ACSM2B: variants seen among roughly 807,000 people sequenced by gnomAD.
The protein encoded by ACSM2B is acyl-coenzyme A synthetase ACSM2B, mitochondrial.
In ACSM2B, 58 loss-of-function variants were observed where a neutral mutation model predicts 78.6. That is an observed-to-expected ratio of 0.74 (90% confidence interval 0.60 to 0.92). The LOEUF is 0.92. ACSM2B is among the 40% of genes least tolerant of loss of function. ACSM2B has a pLI of 0.00. For synonymous variants in ACSM2B, 257 were observed against 256.8 expected (o/e 1.00, Z -0.01); for missense variants, 688 against 711.2 (o/e 0.97, Z 0.37).
intron 2 of ACSM2B, 21 bp from the exon 3 acceptor site, chr16:20,559,468 T>C: frequency 6.2e-7 from 1 of 1,612,242 alleles, no homozygotes; most frequent in Non-Finnish European, 8.5e-7. Flanking sequence ...AGAAACCCTG[T>C]TGATTAGGGG....
In ACSM2B at chr16:20,545,238, G is replaced by A. The variant is rs773511036; in HGVS notation, c.1200C>T (p.Asn400=). 7.4e-6 allele frequency: 12 copies of A among 1,613,614 alleles called. No individual in the cohort carries two copies. The highest frequency in any genetic ancestry group is 2.7e-5 in the African/African-American group (2 of 74,928). ...YDVQVIDDKG[N]VLPPGTEGDI... ...CTCCTTCTGTGCCGGGGGGCAGGAC[G>A]TTGCCCTTATCATCTATAACCTGGA... Residue 400 remains asparagine (N), a synonymous_variant, in exon 10 of 14, where the codon AAC becomes AAT. Coordinates refer to ENST00000329697, the MANE Select transcript of ACSM2B (RefSeq NM_001105069.2).
intron 1 of ACSM2B, among the ~76,000 whole-genome samples, chr16:20,572,775 T>C (rs535347683): frequency 2.6e-5 from 4 of 151,654 alleles, no homozygotes; most frequent in South Asian, 4.1e-4. Context: ...CATTGAAAAA[T>C]TTTTTTTTCT....
intron 8 of ACSM2B, 196 bp from the exon 9 acceptor site, chr16:20,546,670 T>TAG (rs1389300697): frequency 9.7e-7 from 1 of 1,029,252 alleles, no homozygotes; most frequent in Non-Finnish European, 1.3e-6. Context: ...AAATTGTTTG[T>TAG]TCAGGAAGCA....
rs568550888 is a variant in ACSM2B at position 20,543,752 on chromosome 16, A to G, written c.1282-490T>C. Among the ~76,000 whole-genome samples, 3 of 152,224 alleles carry G rather than the reference A, an allele frequency of 2.0e-5. No homozygotes were observed. In the South Asian group the frequency reaches 6.3e-4, roughly 32 times the overall value. On this transcript the variant is annotated intron_variant, in intron 10 of 13. Transcript: ENST00000329697. Reference sequence around the variant, plus strand: ...CTGGGTCCCTCTATTCAGCTGAGGCACTTGCTTATAAGTAATGAAAAGGCT... The same window carrying G: ...CTGGGTCCCTCTATTCAGCTGAGGCGCTTGCTTATAAGTAATGAAAAGGCT...
rs142970802 is a variant in ACSM2B at position 20,551,166 on chromosome 16, C to T, written c.894+978G>A. 7.1e-3 allele frequency among the ~76,000 whole-genome samples: 1,079 copies of T among 152,136 alleles called. 15 individuals are homozygous for T. The highest frequency in any genetic ancestry group is 0.036 in the South Asian group (172 of 4,810). ...TTAATCTATGGTGATAGATATCAAA[C>T]GAAGGATTAACTTATGGGGGGCAGA... On this transcript the variant is annotated intron_variant, in intron 6 of 13. Transcript: ENST00000329697.
chr16:20,547,269 G>A (rs2015170153), intron 8 of ACSM2B: 1 of 985,368 alleles, frequency 1.0e-6, no homozygotes, highest in Non-Finnish European at 1.2e-6. Context: ...ATGGTGGGAG[G>A]CCCCTGCCAG....
rs975631349 is a variant in ACSM2B, at chr16:20,544,852, G to A, written c.1281+305C>T. On this transcript the variant is annotated intron_variant, in intron 10 of 13. Transcript: ENST00000329697. ...GGGAGAGGGAAAGGCAGCCCTTGGGGGAATGGTGCTGTGTATAGTTCAGGG... is the reference window on the plus strand; with the variant it reads ...GGGAGAGGGAAAGGCAGCCCTTGGGAGAATGGTGCTGTGTATAGTTCAGGG... 9 of 1,037,088 alleles carry A rather than the reference G, an allele frequency of 8.7e-6. No homozygotes were observed. In the African/African-American group the frequency reaches 1.5e-4, roughly 17 times the overall value. 64.2% of individuals were successfully genotyped at this position (1,037,088 alleles called of 1,614,324 possible).
At chr16:20,565,831 C>A (rs1273978548) in intron 1 of ACSM2B, among the ~76,000 whole-genome samples, 2 of 151,894 alleles carry the variant, frequency 1.3e-5, no homozygotes, top group Admixed American at 1.3e-4. Context: ...GTCATTTCCC[C>A]CAACTCCTCA....
intron 6 of ACSM2B, chr16:20,549,935 T>C: frequency 2.9e-6 from 1 of 348,464 alleles, no homozygotes; most frequent in South Asian, 2.2e-5. Context: ...GAGACCCAAG[T>C]TCTTATTTGC....
At chr16:20,539,863 T>A (rs992100247) in intron 13 of ACSM2B, among the ~76,000 whole-genome samples, 1 of 152,052 alleles carries the variant, frequency 6.6e-6, no homozygotes, top group African/African-American at 2.4e-5. Context: ...ATCAAGCCAC[T>A]ACAAAGGAAA....
chr16:20,545,591 A>C (rs1205210449), intron 9 of ACSM2B, among the ~76,000 whole-genome samples: 2 of 152,098 alleles, frequency 1.3e-5, no homozygotes, highest in African/African-American at 2.4e-5. Context: ...TCAAAACTCA[A>C]ATTTACTCTG....
Position 20,552,270 on chromosome 16 carries a change from T to C in ACSM2B, c.768A>G (p.Ile256Met). The C allele has an allele frequency of 6.2e-7, 1 of 1,613,352 alleles. No homozygotes were observed. Among genetic ancestry groups the C allele is most frequent in the Non-Finnish European group, 8.5e-7 (1 of 1,179,660 alleles). The change falls in exon 6 of 14, where the codon ATA (isoleucine) becomes ATG (methionine). Residue 256 changes from isoleucine to methionine, a missense_variant. Ile to Met is a conservative substitution (Grantham distance 10). Coordinates refer to ENST00000329697, the MANE Select transcript of ACSM2B (RefSeq NM_001105069.2). Reference sequence around the variant, plus strand: ...AACCTGTGTCTGATATGGTCCACATTATATCAGAGGCTTGCAGGCCTGTCC... The same window carrying C: ...AACCTGTGTCTGATATGGTCCACATCATATCAGAGGCTTGCAGGCCTGTCC... ...AGWTGLQASD[I>M]MWTISDTGWI...
intron 6 of ACSM2B, among the ~76,000 whole-genome samples, chr16:20,550,690 T>A (rs1198734714): frequency 6.6e-6 from 1 of 152,152 alleles, no homozygotes; most frequent in African/African-American, 2.4e-5. Context: ...CAAATAGATG[T>A]CTGGATGGGC....
At chr16:20,544,853 G>A in intron 10 of ACSM2B, 3 of 1,038,598 alleles carry the variant, frequency 2.9e-6, no homozygotes, top group East Asian at 7.6e-5. Context: ...GCCCTTGGGG[G>A]AATGGTGCTG....
intron 5 of ACSM2B, among the ~76,000 whole-genome samples, 174 bp from the exon 6 acceptor site, chr16:20,552,471 T>C (rs2015345125): frequency 1.3e-5 from 2 of 152,050 alleles, no homozygotes; most frequent in Admixed American, 1.3e-4. Context: ...GAAAAGTTGT[T>C]CTGTCCACAC....
intron 1 of ACSM2B, among the ~76,000 whole-genome samples, chr16:20,566,725 C>CTATATATACTATATATACTATATATACAG (rs1567218549): frequency 3.2e-4 from 7 of 22,208 alleles, no homozygotes; most frequent in Non-Finnish European, 4.8e-4. Context: ...ATAGTATATA[C>CTATATATACTATATATACTATATATACAG]TATATATAGT....
chr16:20,545,204 T>C lies in ACSM2B; in HGVS notation c.1234A>G (p.Ile412Val), dbSNP rs752489107. 2.5e-6 allele frequency: 4 copies of C among 1,613,946 alleles called. No homozygotes were observed. In the East Asian group the frequency reaches 6.7e-5, roughly 27 times the overall value. The change falls in exon 10 of 14, where the codon ATC becomes GTC. Residue 412 changes from isoleucine (I) to valine (V), a missense_variant. By Grantham distance (29) the Ile-to-Val change is conservative. Coordinates refer to ENST00000329697, the MANE Select transcript of ACSM2B (RefSeq NM_001105069.2). ...LPPGTEGDIG[I>V]RVKPIRPIGI... ...ATAGGCCTGATGGGTTTGACCCTGATGCCAATGTCTCCTTCTGTGCCGGGG... is the reference window on the plus strand; with the variant it reads ...ATAGGCCTGATGGGTTTGACCCTGACGCCAATGTCTCCTTCTGTGCCGGGG...
intron 2 of ACSM2B, among the ~76,000 whole-genome samples, chr16:20,562,244 A>G (rs1233152534): frequency 6.6e-6 from 1 of 152,114 alleles, no homozygotes; most frequent in Admixed American, 6.6e-5. Flanking sequence ...ATCATGATGC[A>G]CAAGGGTTCT....
At chr16:20,570,813 TC>T (rs2016071104) in intron 1 of ACSM2B, among the ~76,000 whole-genome samples, 1 of 151,908 alleles carries the variant, frequency 6.6e-6, no homozygotes, top group African/African-American at 2.4e-5. Context: ...GGTTGTATCT[TC>T]CCAAGAATTT....
Sources: allele counts gnomAD v4.1 joint callset (sites outside exome capture counted in the v4.1 genomes callset), GRCh38; gene constraint gnomAD v4.1.1; transcripts MANE v1.5; gene names NCBI Gene and HGNC (gene_info 2026-07-23, HGNC 2026-07-21).